CADM2: variants seen among roughly 807,000 people sequenced by gnomAD.
CADM2 encodes cell adhesion molecule 2, also known as immunoglobulin superfamily member 4D.
Under a neutral mutation model 49.8 loss-of-function variants are expected in CADM2, and 12 were observed. The ratio of observed to expected loss-of-function variants is 0.24; its 90% CI spans 0.15 to 0.39. The LOEUF (loss-of-function observed/expected upper bound fraction) is 0.39. Among genes scored for constraint, CADM2 ranks in the 10% least tolerant of loss-of-function variants. The probability of loss-of-function intolerance (pLI) is 1.00; values close to 1 mark genes in which losing one functional copy is unlikely to be tolerated. For missense variants in CADM2, 378 were observed against 492.3 expected (o/e 0.77, Z 2.20); for synonymous variants, 214 against 175.4 (o/e 1.22, Z -1.74).
intron 1 of CADM2, among the ~76,000 whole-genome samples, chr3:85,399,692 A>G (rs2034996256): frequency 1.3e-5 from 2 of 152,132 alleles, no homozygotes; most frequent in African/African-American, 4.8e-5. Flanking sequence ...GGTCCTTCAC[A>G]TCTCTTGTAA....
intron 1 of CADM2, among the ~76,000 whole-genome samples, chr3:85,052,787 A>G (rs2035933403): frequency 6.6e-6 from 1 of 152,020 alleles, no homozygotes; most frequent in African/African-American, 2.4e-5. Flanking sequence ...GATTTGCAAA[A>G]TGTTTATGTT....
At chr3:85,285,160 T>C (rs2043603078) in intron 1 of CADM2, among the ~76,000 whole-genome samples, 1 of 152,076 alleles carries the variant, frequency 6.6e-6, no homozygotes, top group South Asian at 2.1e-4. Context: ...AAAATTAGGA[T>C]TGAGTTTCAG....
chr3:85,325,047 C>G (rs1214775143), intron 1 of CADM2, among the ~76,000 whole-genome samples: 1 of 152,158 alleles, frequency 6.6e-6, no homozygotes, highest in East Asian at 1.9e-4. Context: ...TTTTTCTTAC[C>G]TGGAAAAGAA....
At chr3:86,043,642 A>T (rs1012359791) in intron 8 of CADM2, among the ~76,000 whole-genome samples, 2 of 152,198 alleles carry the variant, frequency 1.3e-5, no homozygotes, top group African/African-American at 4.8e-5. Flanking sequence ...TGTCCAAGGT[A>T]ATTTGTAGAT....
intron 1 of CADM2, among the ~76,000 whole-genome samples, chr3:85,291,247 A>T (rs1019229318): frequency 6.6e-6 from 1 of 152,020 alleles, no homozygotes; most frequent in Non-Finnish European, 1.5e-5. Context: ...AAAAAAGAAT[A>T]AAAAGAAATG....
At chr3:85,314,541 T>G (rs376845068) in intron 1 of CADM2, among the ~76,000 whole-genome samples, 2 of 152,158 alleles carry the variant, frequency 1.3e-5, no homozygotes, top group South Asian at 4.1e-4. Flanking sequence ...CTCCGGTTAT[T>G]ATGGAGATGA....
rs553771698 is a variant in CADM2 at position 85,474,320 on chromosome 3, C to A, written c.62-252202C>A. ...TTGGAGTCCGAAGAGAGTCTCTTGG[C>A]GGAAGTCCTTCTTACTGACAGGAGG... On this transcript the variant is annotated intron_variant, in intron 1 of 9. Coordinates refer to ENST00000383699, the MANE Select transcript of CADM2 (RefSeq NM_001167675.2). Among the ~76,000 whole-genome samples, 4 of 151,902 alleles carry A rather than the reference C, an allele frequency of 2.6e-5. No individual in the cohort carries two copies. In the South Asian group the frequency reaches 8.3e-4, roughly 32 times the overall value.
chr3:85,893,311 G>T (rs1389983382), intron 5 of CADM2, among the ~76,000 whole-genome samples: 1 of 151,958 alleles, frequency 6.6e-6, no homozygotes, highest in East Asian at 1.9e-4. Flanking sequence ...AGCTGAAACT[G>T]GATCCCTTCC....
chr3:85,126,177 A>G (rs185764658), intron 1 of CADM2, among the ~76,000 whole-genome samples: 1 of 152,324 alleles, frequency 6.6e-6, no homozygotes, highest in Non-Finnish European at 1.5e-5. Flanking sequence ...TAAGAGCCTG[A>G]AAAATCTGTA....
At chr3:86,017,709 C>T (rs1213666222) in intron 8 of CADM2, among the ~76,000 whole-genome samples, 1 of 147,984 alleles carries the variant, frequency 6.8e-6, no homozygotes, top group Non-Finnish European at 1.5e-5. Flanking sequence ...GCTTGGGCGA[C>T]ACCAGGAGAC....
intron 2 of CADM2, among the ~76,000 whole-genome samples, chr3:85,784,909 G>T (rs1020577106): frequency 6.6e-6 from 1 of 152,110 alleles, no homozygotes; most frequent in South Asian, 2.1e-4. Flanking sequence ...AAGCCGTCAG[G>T]CTCTGGGTTT....
chr3:85,181,852 AC>A (rs1057418460), intron 1 of CADM2, among the ~76,000 whole-genome samples: 5 of 150,164 alleles, frequency 3.3e-5, no homozygotes, highest in African/African-American at 1.2e-4. Flanking sequence ...TTTTAAAAAA[AC>A]ATTGCCCTTA....
chr3:85,288,081 A>G lies in CADM2; in HGVS notation c.61+328413A>G, dbSNP rs2043680691. 2.0e-5 allele frequency among the ~76,000 whole-genome samples: 3 copies of G among 151,686 alleles called. 1 individual carries two copies. Among genetic ancestry groups the G allele is most frequent in the Admixed American group, 1.3e-4 (2 of 15,258 alleles). On this transcript the variant is annotated intron_variant, in intron 1 of 9. Transcript: ENST00000383699. Reference sequence around the variant, plus strand: ...CTGCACATTGTGCACATATACCCTAAAACTTAAAAGTATAATAATAATAAA... The same window carrying G: ...CTGCACATTGTGCACATATACCCTAGAACTTAAAAGTATAATAATAATAAA...
intron 1 of CADM2, among the ~76,000 whole-genome samples, chr3:85,199,370 T>TGAGAGAGAGAGAGAGAGAGAGAGA (rs59939815): frequency 4.1e-4 from 58 of 140,158 alleles, no homozygotes; most frequent in East Asian, 1.4e-3. Flanking sequence ...TGTGTGTGTA[T>TGAGAGAGAGAGAGAGAGAGAGAGA]GAGAGAGAGA....
At position 86,006,905 on chromosome 3, in the gene CADM2, GTGACGGAT is replaced by G. The variant is rs1467015882; in HGVS notation, c.970+45259_970+45266del. Among the ~76,000 whole-genome samples the G allele has an allele frequency of 2.6e-5, 4 of 152,008 alleles. No homozygotes were observed. The East Asian group carries it at 7.7e-4, about 29-fold the overall frequency. Reference sequence around the variant, plus strand: ...AAAATACAAAAATTAGCTAGGCATGGTGACGGATACCTGTAATCCCAGCTACTCGGGAG... The same window carrying G: ...AAAATACAAAAATTAGCTAGGCATGGACCTGTAATCCCAGCTACTCGGGAG... On this transcript the variant is annotated intron_variant, in intron 8 of 9. Coordinates refer to ENST00000383699, the MANE Select transcript of CADM2 (RefSeq NM_001167675.2).
intron 1 of CADM2, among the ~76,000 whole-genome samples, chr3:84,977,847 A>C (rs1057032777): frequency 6.6e-6 from 1 of 152,114 alleles, no homozygotes; most frequent in Non-Finnish European, 1.5e-5. Flanking sequence ...TTAATTCCTA[A>C]GGTGTCAATC....
At chr3:85,456,833 CT>C (rs35918238) in intron 1 of CADM2, among the ~76,000 whole-genome samples, 12,325 of 132,266 alleles carry the variant, frequency 0.093, 1,566 homozygotes, top group African/African-American at 0.3. Context: ...GTGTTTTTTT[CT>C]TTTTTTTTTT....
At chr3:85,481,718 A>G (rs940811496) in intron 1 of CADM2, among the ~76,000 whole-genome samples, 2 of 151,750 alleles carry the variant, frequency 1.3e-5, no homozygotes, top group Admixed American at 1.3e-4. Context: ...TCTTTCAAGC[A>G]TATTTAAATT....
Position 85,073,495 on chromosome 3 carries a change from A to G in CADM2, c.61+113827A>G, listed in dbSNP as rs146401598. ...TTTGTTAAAAAGATAAAACCAAAAC[A>G]TAACTCTTACTGTTCTTTCACTGGA... On this transcript the variant is annotated intron_variant, in intron 1 of 9. Transcript: ENST00000383699. 3.9e-5 allele frequency among the ~76,000 whole-genome samples: 6 copies of G among 152,262 alleles called. No individual in the cohort carries two copies. In the East Asian group the frequency reaches 1.2e-3, roughly 29 times the overall value.
Sources: allele counts gnomAD v4.1 joint callset (sites outside exome capture counted in the v4.1 genomes callset), GRCh38; gene constraint gnomAD v4.1.1; transcripts MANE v1.5; gene names NCBI Gene and HGNC (gene_info 2026-07-23, HGNC 2026-07-21).